Variants in CLNK observed in about 807,000 individuals in gnomAD.
CLNK encodes the protein cytokine-dependent hematopoietic cell linker.
In CLNK, 74 loss-of-function variants were observed where a neutral mutation model predicts 68.6. That is an observed-to-expected ratio of 1.08 (90% confidence interval 0.89 to 1.31). CLNK has a LOEUF of 1.31. Ranked by LOEUF, CLNK falls within the 50% of genes most tolerant of loss-of-function variation. CLNK has a pLI of 0.00. For synonymous variants in CLNK, 198 were observed against 172.2 expected (o/e 1.15, Z -1.17); for missense variants, 553 against 515.3 (o/e 1.07, Z -0.71).
At chr4:10,541,906 C>T (rs918609939) in intron 10 of CLNK, 116 bp downstream of exon 10, 22 of 769,150 alleles carry the variant, frequency 2.9e-5, no homozygotes, top group Non-Finnish European at 1.5e-5. Flanking sequence ...ATCCGTCTCT[C>T]ACTCTGAAAT....
intron 8 of CLNK, among the ~76,000 whole-genome samples, chr4:10,557,057 C>A (rs1337464703): frequency 6.7e-6 from 1 of 150,312 alleles, no homozygotes; most frequent in Non-Finnish European, 1.5e-5. Context: ...GCCTGGGCAA[C>A]AGAGCGAGAC....
At chr4:10,506,900 C>T (rs900217248) in intron 17 of CLNK, among the ~76,000 whole-genome samples, 3 of 148,506 alleles carry the variant, frequency 2.0e-5, no homozygotes, top group African/African-American at 7.5e-5. Context: ...CCCGGGTTCA[C>T]GCCATTCTCC....
intron 2 of CLNK, among the ~76,000 whole-genome samples, chr4:10,603,244 T>C (rs1721659039): frequency 6.6e-6 from 1 of 152,204 alleles, no homozygotes; most frequent in Non-Finnish European, 1.5e-5. Context: ...CACAGTTCTC[T>C]TTCAAGGTCT....
chr4:10,556,837 G>C (rs141784891), intron 8 of CLNK, among the ~76,000 whole-genome samples: 1,668 of 152,190 alleles, frequency 0.011, 34 homozygotes, highest in East Asian at 0.056. Context: ...CAGCACTTTG[G>C]GAGGCCGAGG....
At chr4:10,716,686 C>CTTTTTTTTTTTTTTTTTTT in the CLNK span, among the ~76,000 whole-genome samples, 1 of 132,922 alleles carries the variant, frequency 7.5e-6, no homozygotes. Context: ...AGACAGAAAA[C>CTTTTTTTTTTTTTTTTTTT]TTTTTTTTTT....
intron 18 of CLNK, among the ~76,000 whole-genome samples, chr4:10,491,076 T>C (rs1716551547): frequency 6.6e-6 from 1 of 152,144 alleles, no homozygotes; most frequent in Non-Finnish European, 1.5e-5. Flanking sequence ...GAAGTAGTTT[T>C]TAAAAAGAAT....
At chr4:10,616,778 A>ATG (rs62931362) in intron 2 of CLNK, among the ~76,000 whole-genome samples, 53 of 144,652 alleles carry the variant, frequency 3.7e-4, no homozygotes, top group African/African-American at 1.2e-3. Flanking sequence ...GTGTGTATAT[A>ATG]TGTGTGTGTG....
At chr4:10,537,259 C>T (rs533129353) in intron 11 of CLNK, among the ~76,000 whole-genome samples, 1 of 152,256 alleles carries the variant, frequency 6.6e-6, no homozygotes, top group Admixed American at 6.5e-5. Context: ...GGGTGGATCA[C>T]CTGAGGTCAG....
At chr4:10,718,453 G>A in the CLNK span, among the ~76,000 whole-genome samples, 12 of 151,292 alleles carry the variant, frequency 7.9e-5, no homozygotes, top group South Asian at 2.1e-4. Flanking sequence ...ATTTCTCATC[G>A]GAAACCATAG....
the CLNK span, among the ~76,000 whole-genome samples, chr4:10,698,394 C>T: frequency 7.2e-5 from 11 of 152,142 alleles, no homozygotes; most frequent in South Asian, 2.1e-4. Context: ...GCCATTATTA[C>T]GCCCTTAGTA....
chr4:10,540,885 C>G (rs940632397), intron 10 of CLNK, among the ~76,000 whole-genome samples: 1 of 152,094 alleles, frequency 6.6e-6, no homozygotes, highest in African/African-American at 2.4e-5. Flanking sequence ...TCATCCCAGA[C>G]TGGCAGACCT....
chr4:10,651,920 T>C (rs1723755111), intron 2 of CLNK, among the ~76,000 whole-genome samples: 1 of 150,474 alleles, frequency 6.6e-6, no homozygotes, highest in Non-Finnish European at 1.5e-5. Context: ...GATAAACTGA[T>C]AGAAGTAAAA....
chr4:10,552,292 C>T (rs545835953), intron 8 of CLNK, among the ~76,000 whole-genome samples: 1 of 152,196 alleles, frequency 6.6e-6, no homozygotes, highest in African/African-American at 2.4e-5. Context: ...AGGACTTGCC[C>T]CAAACTCAAC....
chr4:10,595,486 G>T (rs1207849016), intron 3 of CLNK, among the ~76,000 whole-genome samples: 2 of 152,164 alleles, frequency 1.3e-5, no homozygotes, highest in African/African-American at 4.8e-5. Flanking sequence ...AATGAATATG[G>T]ATGTGATCTG....
At chr4:10,682,522 A>C (rs2108904493) in intron 1 of CLNK, among the ~76,000 whole-genome samples, 1 of 152,292 alleles carries the variant, frequency 6.6e-6, no homozygotes, top group South Asian at 2.1e-4. Context: ...CTGTGTGCAC[A>C]TTTGCTCTCA....
At chr4:10,732,829 A>C in the CLNK span, among the ~76,000 whole-genome samples, 1 of 152,152 alleles carries the variant, frequency 6.6e-6, no homozygotes, top group Non-Finnish European at 1.5e-5. Context: ...TATTTTTAAA[A>C]CATCACTTCC....
At chr4:10,558,317 C>T in intron 8 of CLNK, 90 bp downstream of exon 8, 6 of 1,064,076 alleles carry the variant, frequency 5.6e-6, no homozygotes, top group Non-Finnish European at 8.8e-6. Context: ...TAAGATCACC[C>T]ATGACCACAA....
At chr4:10,681,026 G>T (rs1725077018) in intron 1 of CLNK, among the ~76,000 whole-genome samples, 1 of 152,118 alleles carries the variant, frequency 6.6e-6, no homozygotes, top group African/African-American at 2.4e-5. Context: ...TAACCATGGG[G>T]CAGACTGGCT....
intron 2 of CLNK, among the ~76,000 whole-genome samples, chr4:10,630,731 G>A (rs1722853924): frequency 6.6e-6 from 1 of 152,048 alleles, no homozygotes; most frequent in Non-Finnish European, 1.5e-5. Flanking sequence ...TCATAAATTT[G>A]TACATTTCTT....
Sources: allele counts gnomAD v4.1 joint callset (sites outside exome capture counted in the v4.1 genomes callset), GRCh38; gene constraint gnomAD v4.1.1; transcripts MANE v1.5; gene names NCBI Gene and HGNC (gene_info 2026-07-23, HGNC 2026-07-21).